EXT1: variants seen among roughly 807,000 people sequenced by gnomAD.
EXT1 encodes the protein exostosin glycosyltransferase 1, also known as exostosin-1.
In EXT1, 20 loss-of-function variants were observed where a neutral mutation model predicts 82.5. That is an observed-to-expected ratio of 0.24 (90% confidence interval 0.17 to 0.35). The LOEUF is 0.35. Among genes scored for constraint, EXT1 ranks in the 10% least tolerant of loss-of-function variants. The probability of loss-of-function intolerance (pLI) is 1.00; values close to 1 mark genes in which losing one functional copy is unlikely to be tolerated. For synonymous variants in EXT1, 348 were observed against 350.8 expected (o/e 0.99, Z 0.09); for missense variants, 757 against 936.5 (o/e 0.81, Z 2.50).
chr8:117,920,192 C>A (rs1813827820), intron 1 of EXT1, among the ~76,000 whole-genome samples: 1 of 152,146 alleles, frequency 6.6e-6, no homozygotes, highest in African/African-American at 2.4e-5. Flanking sequence ...GCAACCTCCA[C>A]CTCCCAGGTT....
At chr8:117,889,728 G>C (rs1036805598) in intron 1 of EXT1, among the ~76,000 whole-genome samples, 1 of 152,118 alleles carries the variant, frequency 6.6e-6, no homozygotes, top group Non-Finnish European at 1.5e-5. Context: ...TCAGAAAACA[G>C]TATCCAAAAA....
chr8:117,947,624 CAA>C (rs1814414898), intron 1 of EXT1, among the ~76,000 whole-genome samples: 2 of 152,162 alleles, frequency 1.3e-5, no homozygotes, highest in Middle Eastern at 6.3e-3. Context: ...TAACTTGCAA[CAA>C]TGTGAGATTA....
At chr8:118,048,270 C>A (rs976425399) in intron 1 of EXT1, among the ~76,000 whole-genome samples, 3 of 152,160 alleles carry the variant, frequency 2.0e-5, no homozygotes, top group African/African-American at 4.8e-5. Context: ...ATCAAGTGAA[C>A]AGGAAGATTT....
chr8:118,064,157 T>C (rs951860348), intron 1 of EXT1, among the ~76,000 whole-genome samples: 1 of 152,096 alleles, frequency 6.6e-6, no homozygotes, highest in Non-Finnish European at 1.5e-5. Context: ...AGCCACCGCG[T>C]CAAGTCGCTA....
chr8:118,060,680 T>C (rs2129941895), intron 1 of EXT1, among the ~76,000 whole-genome samples: 1 of 152,290 alleles, frequency 6.6e-6, no homozygotes, highest in South Asian at 2.1e-4. Context: ...CAGGTCATAA[T>C]GTAGCACAGT....
chr8:117,889,177 A>G (rs1269347193), intron 1 of EXT1, among the ~76,000 whole-genome samples: 1 of 152,198 alleles, frequency 6.6e-6, no homozygotes, highest in Non-Finnish European at 1.5e-5. Context: ...GGAGCAACAA[A>G]GCAGAAGGAG....
At chr8:118,006,788 G>T (rs950998646) in intron 1 of EXT1, among the ~76,000 whole-genome samples, 1 of 152,174 alleles carries the variant, frequency 6.6e-6, no homozygotes, top group Non-Finnish European at 1.5e-5. Context: ...GTGTCATTTA[G>T]ACTACAACAG....
At chr8:117,947,074 A>G (rs1366075744) in intron 1 of EXT1, among the ~76,000 whole-genome samples, 1 of 152,178 alleles carries the variant, frequency 6.6e-6, no homozygotes, top group African/African-American at 2.4e-5. Context: ...AGGGACCACA[A>G]TAAGTTATTA....
chr8:117,989,858 C>T (rs1272398493), intron 1 of EXT1, among the ~76,000 whole-genome samples: 1 of 152,216 alleles, frequency 6.6e-6, no homozygotes, highest in Admixed American at 6.5e-5. Flanking sequence ...AAAACAAATG[C>T]ACTTGCTTAT....
intron 1 of EXT1, among the ~76,000 whole-genome samples, chr8:117,946,796 G>A (rs1291742442): frequency 6.7e-6 from 1 of 149,504 alleles, no homozygotes; most frequent in African/African-American, 2.6e-5. Context: ...GGCACCGTTC[G>A]GAGGGATTTT....
At chr8:117,945,709 G>A (rs1814374366) in intron 1 of EXT1, among the ~76,000 whole-genome samples, 1 of 152,130 alleles carries the variant, frequency 6.6e-6, no homozygotes, top group East Asian at 1.9e-4. Flanking sequence ...CACCATGTTG[G>A]TGAGGCTGGT....
At chr8:117,991,813 C>T (rs1286736001) in intron 1 of EXT1, among the ~76,000 whole-genome samples, 1 of 152,162 alleles carries the variant, frequency 6.6e-6, no homozygotes, top group East Asian at 1.9e-4. Context: ...CCACCCTCCT[C>T]GGCCTCCCAA....
At chr8:118,060,909 G>A (rs1816871367) in intron 1 of EXT1, among the ~76,000 whole-genome samples, 1 of 152,164 alleles carries the variant, frequency 6.6e-6, no homozygotes, top group Non-Finnish European at 1.5e-5. Context: ...ACACTGCCTG[G>A]TATCACTTTC....
chr8:117,988,186 A>C (rs1199598215), intron 1 of EXT1, among the ~76,000 whole-genome samples: 1 of 152,222 alleles, frequency 6.6e-6, no homozygotes, highest in Non-Finnish European at 1.5e-5. Context: ...GGCTAATATT[A>C]GTTTCTCTTT....
At chr8:117,851,616 GAC>G (rs35686154) in intron 1 of EXT1, among the ~76,000 whole-genome samples, 21,421 of 147,858 alleles carry the variant, frequency 0.14, 1,867 homozygotes, top group Non-Finnish European at 0.18. Flanking sequence ...AATTTAGCTG[GAC>G]ACACACACAC....
chr8:118,074,509 G>A (rs890299382), intron 1 of EXT1, among the ~76,000 whole-genome samples: 3 of 152,064 alleles, frequency 2.0e-5, no homozygotes, highest in African/African-American at 7.2e-5. Context: ...ACGCGTGTCC[G>A]GCCCCGCGCA....
At chr8:117,970,532 C>A (rs1207635418) in intron 1 of EXT1, among the ~76,000 whole-genome samples, 1 of 152,118 alleles carries the variant, frequency 6.6e-6, no homozygotes, top group Non-Finnish European at 1.5e-5. Context: ...GTCTCAAACT[C>A]CTGACCTTGT....
At chr8:117,863,468 TGCTTTGCTG>T (rs1488808518) in intron 1 of EXT1, among the ~76,000 whole-genome samples, 4 of 151,320 alleles carry the variant, frequency 2.6e-5, no homozygotes. Flanking sequence ...ACTTTTGTAT[TGCTTTGCTG>T]GCAGACGGCT....
chr8:117,918,769 T>TG, intron 1 of EXT1, among the ~76,000 whole-genome samples: 1 of 152,216 alleles, frequency 6.6e-6, no homozygotes, highest in South Asian at 2.1e-4. Flanking sequence ...CCACATGGAA[T>TG]GGAAAAACAA....
Sources: allele counts gnomAD v4.1 joint callset (sites outside exome capture counted in the v4.1 genomes callset), GRCh38; gene constraint gnomAD v4.1.1; transcripts MANE v1.5; gene names NCBI Gene and HGNC (gene_info 2026-07-23, HGNC 2026-07-21).